The following MEI1 variants were observed in gnomAD, a reference collection of about 807,000 sequenced individuals.
The protein encoded by MEI1 is meiotic double-stranded break formation protein 1.
MEI1 carries 103 observed loss-of-function variants against 146.2 expected under a neutral mutation model. That is an observed-to-expected ratio of 0.70 (90% CI 0.60 to 0.83). The LOEUF is 0.83. MEI1 is among the 40% of genes least tolerant of loss of function. The probability of loss-of-function intolerance (pLI) is 0.00; values close to 1 mark genes in which losing one functional copy is unlikely to be tolerated. For synonymous variants in MEI1, 652 were observed against 628.2 expected, an observed-to-expected ratio of 1.04 and a Z score of -0.57; for missense variants, 1,529 against 1,533.0, an observed-to-expected ratio of 1.00 and a Z score of 0.04.
intron 15 of MEI1, among the ~76,000 whole-genome samples, chr22:41,749,193 G>A (rs967735374): frequency 1.3e-5 from 2 of 151,952 alleles, no homozygotes; most frequent in Non-Finnish European, 2.9e-5. Context: ...TGCAACAAAT[G>A]TTGTGCAACA....
At chr22:41,720,700 C>G (rs544548152) in intron 6 of MEI1, among the ~76,000 whole-genome samples, 1 of 151,910 alleles carries the variant, frequency 6.6e-6, no homozygotes, top group South Asian at 2.1e-4. Context: ...GGGTTCACGC[C>G]ATTCTCCTGC....
chr22:41,763,391 T>C, intron 19 of MEI1, 70 bp downstream of exon 19: 2 of 1,530,022 alleles, frequency 1.3e-6, no homozygotes, highest in East Asian at 2.3e-5. Context: ...TGGGAGACCA[T>C]GATGATGATA....
In MEI1 at chr22:41,732,327, C is replaced by T. The variant is rs373018429; in HGVS notation, c.1179C>T (p.Phe393=). The T allele has an allele frequency of 1.6e-5, 26 of 1,612,580 alleles. No individual in the cohort carries two copies. In the East Asian group the frequency reaches 2.2e-4, roughly 14 times the overall value. The part of the protein sequence containing the change: ...IELHKQGLLL[F]AEILTRQPEE... ...TGCACAAGCAGGGCCTGCTGCTTTT[C>T]GCTGAAATCCTGACCCGGTGAGCAA... Residue 393 remains phenylalanine (F), a synonymous_variant, in exon 10 of 31, where the codon TTC becomes TTT. Transcript: ENST00000401548.
At chr22:41,752,363 T>C in intron 15 of MEI1, 1 of 534,030 alleles carries the variant, frequency 1.9e-6, no homozygotes, top group Non-Finnish European at 3.4e-6. Flanking sequence ...CTCCATACAT[T>C]TATCTTACTT....
chr22:41,714,088 C>G lies in MEI1; in HGVS notation c.423+13C>G, dbSNP rs2069865577. On this transcript the variant is annotated intron_variant, in intron 4 of 30. Transcript: ENST00000401548. Reference sequence around the variant, plus strand: ...GTGCCACAAAGAGGTCAGAAAATAGCTATGGGTTCTTGAGTCTCTCAGAAT... The same window carrying G: ...GTGCCACAAAGAGGTCAGAAAATAGGTATGGGTTCTTGAGTCTCTCAGAAT... The G allele has an allele frequency of 6.3e-7, 1 of 1,586,392 alleles. No individual in the cohort carries two copies. The highest frequency in any genetic ancestry group is 8.6e-7 in the Non-Finnish European group (1 of 1,165,468).
intron 4 of MEI1, among the ~76,000 whole-genome samples, chr22:41,714,522 G>A (rs1394337421): frequency 6.6e-6 from 1 of 152,072 alleles, no homozygotes; most frequent in Non-Finnish European, 1.5e-5. Flanking sequence ...GCTTCTATCT[G>A]AGGTAAGCAT....
rs573078511 is a variant in MEI1 at position 41,699,719 on chromosome 22, G to C, written c.174+7G>C. 84 of 1,554,060 alleles carry C rather than the reference G, an allele frequency of 5.4e-5. 1 individual carries two copies. In the African/African-American group the frequency reaches 6.0e-4, roughly 11 times the overall value. Reference sequence around the variant, plus strand: ...GCCGGACCCCGGCGTGTCGGTGCGGGCGGAACCTTTTCTTCAGAAGACCTG... The same window carrying C: ...GCCGGACCCCGGCGTGTCGGTGCGGCCGGAACCTTTTCTTCAGAAGACCTG... On this transcript the variant is annotated splice_region_variant and intron_variant, in intron 1 of 30. Transcript: ENST00000401548.
At chr22:41,738,880 T>G (rs1302806911) in intron 11 of MEI1, among the ~76,000 whole-genome samples, 43 of 150,808 alleles carry the variant, frequency 2.9e-4, no homozygotes. Flanking sequence ...GGCGGGAGGA[T>G]CACTTGAGCC....
At chr22:41,703,300 C>A (rs923598235) in intron 1 of MEI1, 31 bp from the exon 2 acceptor site, 1 of 1,605,470 alleles carries the variant, frequency 6.2e-7, no homozygotes, top group Admixed American at 1.7e-5. Flanking sequence ...AATTTGGTTG[C>A]TATTGAATGT....
intron 8 of MEI1, 50 bp from the exon 9 acceptor site, chr22:41,730,471 C>G: frequency 1.6e-6 from 2 of 1,275,792 alleles, no homozygotes; most frequent in Non-Finnish European, 2.3e-6. Flanking sequence ...GTTAAGGGAT[C>G]GTGATCACAT....
rs771756050 is a variant in MEI1, at chr22:41,778,809, C to A, written c.2812C>A (p.Gln938Lys). The A allele has an allele frequency of 8.1e-6, 13 of 1,600,114 alleles. No homozygotes were observed. The highest frequency in any genetic ancestry group is 5.2e-5 in the Admixed American group (3 of 57,802). Reference sequence around the variant, plus strand: ...CAGCGTGGCCATGAAGCTCCTTCACCAAGGTGCCCTGGCTGCTTGGGATAG... The same window carrying A: ...CAGCGTGGCCATGAAGCTCCTTCACAAAGGTGCCCTGGCTGCTTGGGATAG... The part of the protein sequence containing the change: ...LDSVAMKLLH[Q>K]VSKLCGKCSP... Residue 938 changes from glutamine to lysine, a missense_variant, in exon 22 of 31, where the codon CAA (glutamine) becomes AAA (lysine). Around this residue, in one of 3 missense-constraint regions of MEI1, gnomAD observed 1,212 missense variants for 1,178.9 expected, o/e 1.03. Transcript: ENST00000401548.
At chr22:41,759,321 C>G (rs1287805303) in intron 18 of MEI1, 2 of 151,988 alleles carry the variant, frequency 1.3e-5, no homozygotes, top group Non-Finnish European at 2.9e-5. Flanking sequence ...AGGTGAAACC[C>G]TGTCTCTACT....
intron 4 of MEI1, among the ~76,000 whole-genome samples, chr22:41,715,523 G>A (rs1023207029): frequency 1.5e-4 from 23 of 151,680 alleles, no homozygotes; most frequent in Non-Finnish European, 2.9e-4. Context: ...AGCCTCCCGA[G>A]TAGCTGGGAC....
chr22:41,703,044 G>C (rs1379378890), intron 1 of MEI1, among the ~76,000 whole-genome samples: 1 of 152,110 alleles, frequency 6.6e-6, no homozygotes, highest in Non-Finnish European at 1.5e-5. Flanking sequence ...TCACCAACTT[G>C]TTAGGCTTAA....
intron 17 of MEI1, among the ~76,000 whole-genome samples, chr22:41,755,305 C>G (rs1488972838): frequency 1.3e-5 from 2 of 152,010 alleles, no homozygotes; most frequent in Non-Finnish European, 2.9e-5. Context: ...TGTGAAGATT[C>G]TGTGTCCTCT....
intron 5 of MEI1, among the ~76,000 whole-genome samples, chr22:41,717,625 T>G (rs1365748673): frequency 1.3e-5 from 2 of 150,850 alleles, no homozygotes. Flanking sequence ...TTTCTTTTTT[T>G]TTTTTTTTGA....
chr22:41,709,310 TC>T, intron 3 of MEI1: 1 of 800,058 alleles, frequency 1.2e-6, no homozygotes, highest in Non-Finnish European at 2.2e-6. Flanking sequence ...CTTGCCAGCA[TC>T]CACTTTTCCC....
intron 8 of MEI1, 106 bp downstream of exon 8, chr22:41,729,885 A>C (rs1489408553): frequency 1.5e-5 from 10 of 649,554 alleles, no homozygotes; most frequent in South Asian, 2.5e-5. Flanking sequence ...ATAACATCTG[A>C]ATCCTATTGC....
chr22:41,770,125 ACT>A (rs1376656585), intron 19 of MEI1, among the ~76,000 whole-genome samples: 1 of 151,212 alleles, frequency 6.6e-6, no homozygotes, highest in Non-Finnish European at 1.5e-5. Context: ...CAGGAGCGAA[ACT>A]CTGTCTCAGA....
Sources: allele counts gnomAD v4.1 joint callset (sites outside exome capture counted in the v4.1 genomes callset), GRCh38; gene constraint gnomAD v4.1.1; regional missense constraint gnomAD v4.1.1; transcripts MANE v1.5; gene names NCBI Gene and HGNC (gene_info 2026-07-23, HGNC 2026-07-21).